ANTXR2: variants seen among roughly 807,000 people sequenced by gnomAD.
The protein encoded by ANTXR2 is anthrax toxin receptor 2.
In ANTXR2, 44 loss-of-function variants were observed where a neutral mutation model predicts 73.7. That is an observed-to-expected ratio of 0.60 (90% CI 0.47 to 0.77). ANTXR2 has a LOEUF of 0.77. Among genes scored for constraint, ANTXR2 ranks in the 30% least tolerant of loss-of-function variants. ANTXR2 has a pLI of 0.00. For synonymous variants in ANTXR2, 217 were observed against 205.9 expected (o/e 1.05, Z -0.46); for missense variants, 604 against 592.5 (o/e 1.02, Z -0.20).
At chr4:80,036,958 A>AC (rs1324278952) in intron 7 of ANTXR2, among the ~76,000 whole-genome samples, 1 of 152,122 alleles carries the variant, frequency 6.6e-6, no homozygotes, top group Non-Finnish European at 1.5e-5. Flanking sequence ...TATTCTTTTT[A>AC]AAAACACAGA....
At chr4:80,008,699 C>A (rs754118743) in intron 11 of ANTXR2, 83 bp from the exon 12 acceptor site, 2 of 780,688 alleles carry the variant, frequency 2.6e-6, no homozygotes, top group East Asian at 6.5e-5. Flanking sequence ...TAAGGAAACA[C>A]CAGAAAATAA....
At position 80,036,029 on chromosome 4, in the gene ANTXR2, G is replaced by T. The variant is rs1449639863; in HGVS notation, c.640C>A (p.Leu214Ile). 2.0e-6 allele frequency: 3 copies of T among 1,498,640 alleles called. No individual in the cohort carries two copies. The highest frequency in any genetic ancestry group is 5.3e-5 in the Admixed American group (2 of 38,082). 92.8% of individuals were successfully genotyped at this position (1,498,640 alleles called of 1,614,324 possible). ...AGGATTTCAGTACATGACTGAGCTA[G>T]TATCTAAAAAAGAAAAAAAAAAAAG... ...QALKGIINSI[L>I]AQSCTEILEL... Residue 214 changes from leucine (L) to isoleucine (I), a missense_variant, in exon 8 of 17, where the codon CTA (leucine) becomes ATA (isoleucine). Physicochemically the swap from Leu to Ile is conservative, Grantham distance 5. Transcript: ENST00000403729.
At chr4:80,067,975 A>G (rs1410475336) in intron 3 of ANTXR2, among the ~76,000 whole-genome samples, 1 of 152,202 alleles carries the variant, frequency 6.6e-6, no homozygotes, top group Admixed American at 6.5e-5. Context: ...TGTATCCCAG[A>G]ACTTAAAATT....
chr4:80,069,415 G>A, intron 3 of ANTXR2, 21 bp downstream of exon 3: 1 of 1,547,556 alleles, frequency 6.5e-7, no homozygotes, highest in East Asian at 2.3e-5. Context: ...AAAGCCTGCA[G>A]TGAAATGATA....
At chr4:80,053,741 T>G (rs997098658) in intron 7 of ANTXR2, among the ~76,000 whole-genome samples, 2 of 151,748 alleles carry the variant, frequency 1.3e-5, no homozygotes, top group African/African-American at 4.8e-5. Flanking sequence ...TAGCCTAGAT[T>G]CTAATGATCA....
At chr4:79,974,068 C>T (rs1729534095) in intron 16 of ANTXR2, among the ~76,000 whole-genome samples, 1 of 152,020 alleles carries the variant, frequency 6.6e-6, no homozygotes, top group Admixed American at 6.6e-5. Context: ...TATTAAAAAT[C>T]CTTGGGAATC....
chr4:80,031,728 T>C, intron 9 of ANTXR2, 36 bp from the exon 10 acceptor site: 3 of 1,275,088 alleles, frequency 2.4e-6, no homozygotes, highest in Non-Finnish European at 3.1e-6. Flanking sequence ...AGTAAAGGGT[T>C]TTATGCATCT....
At chr4:79,929,638 C>T (rs534609905) in intron 16 of ANTXR2, among the ~76,000 whole-genome samples, 1 of 152,222 alleles carries the variant, frequency 6.6e-6, no homozygotes, top group East Asian at 1.9e-4. Context: ...AGATAGGCCC[C>T]CAGGCATTTT....
At chr4:79,928,343 G>A (rs1727908320) in intron 16 of ANTXR2, among the ~76,000 whole-genome samples, 1 of 152,160 alleles carries the variant, frequency 6.6e-6, no homozygotes, top group Non-Finnish European at 1.5e-5. Context: ...GTGGTTACTG[G>A]GAATTAGGGG....
intron 16 of ANTXR2, among the ~76,000 whole-genome samples, chr4:79,963,970 T>C (rs1463945627): frequency 6.6e-6 from 1 of 152,074 alleles, no homozygotes; most frequent in African/African-American, 2.4e-5. Flanking sequence ...TAGGAATTAG[T>C]TAAAGTCAAT....
In ANTXR2 at chr4:80,026,925, C is replaced by T. The variant is rs188937452; in HGVS notation, c.866+4698G>A. 1.1e-3 allele frequency among the ~76,000 whole-genome samples: 174 copies of T among 152,066 alleles called. 2 individuals carry two copies. Among genetic ancestry groups the T allele is most frequent in the African/African-American group, 4.0e-3 (165 of 41,482 alleles). On this transcript the variant is annotated intron_variant, in intron 10 of 16. Transcript: ENST00000403729. ...GTATATAATACTTAGGATGAAGAGGCAATGCAGATGAGGTGAACTTATCAC... is the reference window on the plus strand; with the variant it reads ...GTATATAATACTTAGGATGAAGAGGTAATGCAGATGAGGTGAACTTATCAC...
chr4:80,070,997 C>T (rs1326774469), intron 2 of ANTXR2, among the ~76,000 whole-genome samples: 1 of 152,074 alleles, frequency 6.6e-6, no homozygotes, highest in Admixed American at 6.5e-5. Context: ...ACCAGTAATG[C>T]TTTTTATAGG....
In ANTXR2 at chr4:80,055,142, T is replaced by A. The variant is rs754962742; in HGVS notation, c.555+8A>T. ...CAGATTAAAGTTTGCAGATCTCTTG[T>A]AACTTACCTGTGCTTGTTCAAAATC... On this transcript the variant is annotated splice_region_variant and intron_variant, in intron 6 of 16. Coordinates refer to ENST00000403729, the MANE Select transcript of ANTXR2 (RefSeq NM_058172.6). 1.3e-6 allele frequency: 2 copies of A among 1,553,114 alleles called. No individual in the cohort carries two copies. The highest frequency in any genetic ancestry group is 1.7e-6 in the Non-Finnish European group (2 of 1,146,304).
chr4:79,978,939 G>T (rs1041365757), intron 14 of ANTXR2, among the ~76,000 whole-genome samples: 4 of 152,126 alleles, frequency 2.6e-5, no homozygotes, highest in African/African-American at 9.7e-5. Flanking sequence ...GTAATATAGT[G>T]TTCAGCCTTT....
Position 80,068,531 on chromosome 4 carries a change from G to C in ANTXR2, c.296+905C>G, listed in dbSNP as rs527480015. On this transcript the variant is annotated intron_variant, in intron 3 of 16. Coordinates refer to ENST00000403729, the MANE Select transcript of ANTXR2 (RefSeq NM_058172.6). ...CACCTATAATCCCAGAACTTTGGGA[G>C]GTCAAGGCAGGCAGATCTCTTGAGG... is the stretch of plus-strand genomic sequence containing the variant. Among the ~76,000 whole-genome samples, 5 of 152,262 alleles carry C rather than the reference G, an allele frequency of 3.3e-5. No individual in the cohort carries two copies. The East Asian group carries it at 7.7e-4, about 24-fold the overall frequency.
intron 11 of ANTXR2, among the ~76,000 whole-genome samples, chr4:80,010,923 G>A (rs894403262): frequency 5.9e-5 from 9 of 151,894 alleles, no homozygotes; most frequent in Non-Finnish European, 8.8e-5. Flanking sequence ...TGAGGTGGGC[G>A]GATCACAAGG....
At chr4:80,026,937 G>A (rs1404219242) in intron 10 of ANTXR2, among the ~76,000 whole-genome samples, 1 of 152,018 alleles carries the variant, frequency 6.6e-6, no homozygotes, top group Non-Finnish European at 1.5e-5. Context: ...ATGCAGATGA[G>A]GTGAACTTAT....
chr4:79,984,156 A>C (rs1730003146), intron 13 of ANTXR2, among the ~76,000 whole-genome samples, 186 bp from the exon 14 acceptor site: 1 of 152,186 alleles, frequency 6.6e-6, no homozygotes, highest in South Asian at 2.1e-4. Flanking sequence ...AGGATATGAG[A>C]ACTCCTTTCC....
chr4:80,012,718 C>T (rs1290146284), intron 11 of ANTXR2, among the ~76,000 whole-genome samples: 1 of 152,138 alleles, frequency 6.6e-6, no homozygotes, highest in Non-Finnish European at 1.5e-5. Context: ...CAAGTAACAA[C>T]CTTTCAGAGC....
Sources: gnomAD v4.1 joint callset for allele counts (sites outside exome capture counted in the v4.1 genomes callset) on GRCh38, gnomAD v4.1.1 for gene constraint, MANE v1.5 for transcripts, NCBI Gene and HGNC (gene_info 2026-07-23, HGNC 2026-07-21) for gene names.